The following ALPK3 variants were observed in gnomAD, a reference collection of about 807,000 sequenced individuals.
ALPK3 encodes alpha kinase 3, also known as alpha-protein kinase 3.
Under a neutral mutation model 140.0 loss-of-function variants are expected in ALPK3, and 102 were observed. The ratio of observed to expected loss-of-function variants is 0.73; its 90% CI spans 0.62 to 0.86. The LOEUF is 0.86. ALPK3 is among the 40% of genes least tolerant of loss of function. ALPK3 has a pLI of 0.00. For synonymous variants in ALPK3, 938 were observed against 898.5 expected (o/e 1.04, Z -0.79); for missense variants, 2,254 against 2,208.2 (o/e 1.02, Z -0.42).
intron 3 of ALPK3, 107 bp from the exon 4 acceptor site, chr15:84,838,873 C>T: frequency 3.4e-6 from 3 of 882,044 alleles, no homozygotes; most frequent in South Asian, 3.0e-5. Flanking sequence ...CTGCCTGCCT[C>T]AGCCTCCCAA....
At chr15:84,838,235 AAGG>A (rs1407256296) in intron 3 of ALPK3, among the ~76,000 whole-genome samples, 3 of 152,208 alleles carry the variant, frequency 2.0e-5, no homozygotes, top group Non-Finnish European at 4.4e-5. Context: ...CCTGAAATGA[AAGG>A]AGGAGGGCTC....
intron 1 of ALPK3, among the ~76,000 whole-genome samples, chr15:84,820,978 C>CT: frequency 8.8e-6 from 1 of 113,488 alleles, no homozygotes; most frequent in South Asian, 2.9e-4. Context: ...GAATTCCAAC[C>CT]CACCTCCAAC....
At chr15:84,860,985 G>C (rs1283026119) in intron 9 of ALPK3, among the ~76,000 whole-genome samples, 2 of 152,238 alleles carry the variant, frequency 1.3e-5, no homozygotes, top group East Asian at 3.8e-4. Context: ...GCCTCCCAAA[G>C]TGCCAATTAG....
rs2141542128 is a variant in ALPK3 at position 84,817,445 on chromosome 15, G to A, written c.-8G>A. ...AGTGCGGGGCCGGCGGTCGGGGAGGGCGGTGCCATGGGGTCGCGGAGGGCC... is the reference window on the plus strand; with the variant it reads ...AGTGCGGGGCCGGCGGTCGGGGAGGACGGTGCCATGGGGTCGCGGAGGGCC... On this transcript the variant is annotated 5_prime_UTR_variant, in exon 1 of 14. Transcript: ENST00000258888. 1 of 1,300,798 alleles carries A rather than the reference G, an allele frequency of 7.7e-7. No individual in the cohort carries two copies. The allele number at this position is 1,300,798 out of a possible 1,614,324, so 80.6% of individuals were successfully genotyped here.
chr15:84,855,048 G>A (rs765588571), intron 5 of ALPK3, among the ~76,000 whole-genome samples: 1 of 152,222 alleles, frequency 6.6e-6, no homozygotes, highest in African/African-American at 2.4e-5. Context: ...CAATGTTCTC[G>A]GCTTAGCAAT....
At chr15:84,828,537 T>C (rs1963513383) in intron 3 of ALPK3, among the ~76,000 whole-genome samples, 1 of 152,124 alleles carries the variant, frequency 6.6e-6, no homozygotes, top group Non-Finnish European at 1.5e-5. Context: ...GTCAAGGTCA[T>C]TCGTGGTTTC....
intron 5 of ALPK3, among the ~76,000 whole-genome samples, chr15:84,851,864 G>A (rs949980371): frequency 1.3e-5 from 2 of 152,112 alleles, no homozygotes; most frequent in Admixed American, 6.6e-5. Context: ...ATACCTGTAC[G>A]ATTAATTCCT....
At chr15:84,866,455 G>T (rs996143458) in intron 12 of ALPK3, among the ~76,000 whole-genome samples, 6 of 152,178 alleles carry the variant, frequency 3.9e-5, no homozygotes, top group Admixed American at 3.9e-4. Flanking sequence ...TGACTCCAGA[G>T]GCCACATTTG....
Position 84,856,666 on chromosome 15 carries a change from C to T in ALPK3, c.1928C>T (p.Ala643Val), listed in dbSNP as rs773203708. 11 of 1,613,856 alleles carry T rather than the reference C, an allele frequency of 6.8e-6. No individual in the cohort carries two copies. Among genetic ancestry groups the T allele is most frequent in the Admixed American group, 1.7e-5 (1 of 59,992 alleles). Residue 643 changes from alanine (A) to valine (V), a missense_variant, in exon 6 of 14, where the codon GCT becomes GTT. By Grantham distance (64) the Ala-to-Val change is moderately conservative. Around this residue, in one of 3 missense-constraint regions of ALPK3, gnomAD observed 2,088 missense variants for 2,022.9 expected, o/e 1.03. Coordinates refer to ENST00000258888, the MANE Select transcript of ALPK3 (RefSeq NM_020778.5). ...TRADRKTQVD[A>V]GTQESKRPQS... ...GCAGATAGGAAGACGCAGGTGGATGCTGGGACACAAGAAAGCAAGAGGCCA... is the reference window on the plus strand; with the variant it reads ...GCAGATAGGAAGACGCAGGTGGATGTTGGGACACAAGAAAGCAAGAGGCCA...
chr15:84,847,598 G>T (rs1963747120), intron 5 of ALPK3, among the ~76,000 whole-genome samples: 1 of 152,120 alleles, frequency 6.6e-6, no homozygotes, highest in Non-Finnish European at 1.5e-5. Flanking sequence ...AGAAACAATG[G>T]AGGCCAAAAG....
At position 84,840,925 on chromosome 15, in the gene ALPK3, C is replaced by G; in HGVS notation, c.1646C>G (p.Pro549Arg). ...TLQGQAGHRTPGEVLECQTTT... is the reference protein window; with the variant it reads ...TLQGQAGHRTRGEVLECQTTT... ...CAGGGGCAAGCAGGCCACAGGACTC[C>G]AGGAGAGGTAAGTGTGGGTGTTGGG... The change falls in exon 5 of 14, where the codon CCA becomes CGA. Residue 549 changes from proline (P) to arginine (R), a missense_variant. By Grantham distance (103) the Pro-to-Arg change is moderately radical. Coordinates refer to ENST00000258888, the MANE Select transcript of ALPK3 (RefSeq NM_020778.5). 6.3e-7 allele frequency: 1 copy of G among 1,585,060 alleles called. No individual in the cohort carries two copies. The highest frequency in any genetic ancestry group is 8.6e-7 in the Non-Finnish European group (1 of 1,165,728).
chr15:84,825,529 G>C (rs1221490379), intron 2 of ALPK3, among the ~76,000 whole-genome samples: 2 of 152,178 alleles, frequency 1.3e-5, no homozygotes, highest in Admixed American at 6.5e-5. Flanking sequence ...TTAAAACATA[G>C]TTTCCCTGTT....
rs771706498 is a variant in ALPK3, at chr15:84,840,558, A to G, written c.1279A>G (p.Arg427Gly). 6.3e-7 allele frequency: 1 copy of G among 1,590,416 alleles called. No homozygotes were observed. Residue 427 changes from arginine to glycine, a missense_variant, in exon 5 of 14, where the codon AGG (arginine) becomes GGG (glycine). Transcript: ENST00000258888. ...DMYLENTQAVRPLGEEGPQTL... is the reference protein window; with the variant it reads ...DMYLENTQAVGPLGEEGPQTL... Reference sequence around the variant, plus strand: ...GTACCTGGAGAACACCCAGGCAGTCAGGCCTCTTGGGGAAGAGGGACCCCA... The same window carrying G: ...GTACCTGGAGAACACCCAGGCAGTCGGGCCTCTTGGGGAAGAGGGACCCCA...
At chr15:84,852,519 C>T in intron 5 of ALPK3, 1 of 287,576 alleles carries the variant, frequency 3.5e-6, no homozygotes, top group Admixed American at 4.3e-5. Context: ...CCCAGGAAAA[C>T]ATACCACCAT....
intron 1 of ALPK3, among the ~76,000 whole-genome samples, chr15:84,821,748 C>T (rs1373132153): frequency 1.3e-5 from 2 of 152,024 alleles, no homozygotes; most frequent in Non-Finnish European, 2.9e-5. Flanking sequence ...TCTCTCTCTC[C>T]CTTCTATAGA....
chr15:84,835,052 T>C (rs978150448), intron 3 of ALPK3, among the ~76,000 whole-genome samples: 1 of 152,168 alleles, frequency 6.6e-6, no homozygotes, highest in Non-Finnish European at 1.5e-5. Flanking sequence ...GTGGGGTCCA[T>C]TCAGCTCCTC....
At position 84,840,139 on chromosome 15, in the gene ALPK3, A is replaced by G; in HGVS notation, c.860A>G (p.Asp287Gly). 6.2e-7 allele frequency: 1 copy of G among 1,613,934 alleles called. No homozygotes were observed. Among genetic ancestry groups the G allele is most frequent in the Non-Finnish European group, 8.5e-7 (1 of 1,179,956 alleles). ...NGEAAPENGE[D>G]GEHGLLTYIC... ...GAGGCTGCCCCCGAGAATGGAGAGG[A>G]CGGAGAGCATGGCTTGCTGACATAC... The change falls in exon 5 of 14, where the codon GAC (aspartate) becomes GGC (glycine). Residue 287 changes from aspartate (D) to glycine (G), a missense_variant. By Grantham distance (94) the Asp-to-Gly change is moderately conservative. Transcript: ENST00000258888.
intron 5 of ALPK3, among the ~76,000 whole-genome samples, chr15:84,852,124 A>G (rs78987195): frequency 0.077 from 11,799 of 152,250 alleles, 515 homozygotes; most frequent in East Asian, 0.12. Context: ...TTTATAAATT[A>G]GGCACCGTAA....
At chr15:84,862,536 G>A in intron 9 of ALPK3, 99 bp from the exon 10 acceptor site, 1 of 1,425,700 alleles carries the variant, frequency 7.0e-7, no homozygotes, top group Non-Finnish European at 9.5e-7. Flanking sequence ...CAGCAGGTTG[G>A]CAGGGTGGGA....
Sources: gnomAD v4.1 joint callset for allele counts (sites outside exome capture counted in the v4.1 genomes callset) on GRCh38, gnomAD v4.1.1 for gene constraint, gnomAD v4.1.1 regional missense constraint, MANE v1.5 for transcripts, NCBI Gene and HGNC (gene_info 2026-07-23, HGNC 2026-07-21) for gene names.